Variants in USP47 observed in about 807,000 individuals in gnomAD.
USP47 encodes ubiquitin specific peptidase 47, also known as ubiquitin carboxyl-terminal hydrolase 47.
A neutral mutation model predicts 165.1 loss-of-function variants in USP47; 35 were observed. That is an observed-to-expected ratio of 0.21 (90% CI 0.16 to 0.28). The LOEUF (loss-of-function observed/expected upper bound fraction) is 0.28, where lower values mean the gene tolerates loss of function less well. USP47 is among the 10% of genes least tolerant of loss of function. The probability of loss-of-function intolerance (pLI) is 1.00; values close to 1 mark genes in which losing one functional copy is unlikely to be tolerated. For synonymous variants in USP47, 531 were observed against 544.5 expected (o/e 0.98, Z 0.35); for missense variants, 1,277 against 1,607.4 (o/e 0.79, Z 3.52).
rs763745607 is a variant in USP47 at position 11,930,044 on chromosome 11, A to G, written c.1519A>G (p.Ile507Val). Residue 507 changes from isoleucine to valine, a missense_variant and splice_region_variant, in exon 13 of 28, where the codon ATA (isoleucine) becomes GTA (valine). Ile to Val is a conservative substitution (Grantham distance 29). Around this residue, in one of 4 missense-constraint regions of USP47, gnomAD observed 909 missense variants for 1,068.1 expected, o/e 0.85. Transcript: ENST00000527733. ...AAAAAATCATGTAACACATTTTCAG[A>G]TAACACAAGAGGACATTAAGAAAAC... ...YSFNDQHVSR[I>V]TQEDIKKTHG... 2.5e-6 allele frequency: 4 copies of G among 1,612,944 alleles called. No homozygotes were observed. The highest frequency in any genetic ancestry group is 3.4e-6 in the Non-Finnish European group (4 of 1,179,118).
chr11:11,894,553 A>G (rs12223565), intron 4 of USP47, among the ~76,000 whole-genome samples: 4 of 152,008 alleles, frequency 2.6e-5, no homozygotes, highest in Non-Finnish European at 5.9e-5. Flanking sequence ...TTTGTTTCTT[A>G]TTATTCTGAG....
chr11:11,892,380 CTT>C (rs1300802562), intron 4 of USP47, among the ~76,000 whole-genome samples: 2,948 of 121,058 alleles, frequency 0.024, 239 homozygotes, highest in African/African-American at 0.086. Context: ...TTTTAATTTT[CTT>C]TTTTTTTTTT....
At chr11:11,954,758 G>T in intron 25 of USP47, 139 bp from the exon 26 acceptor site, 2 of 945,124 alleles carry the variant, frequency 2.1e-6, no homozygotes, top group Non-Finnish European at 3.1e-6. Flanking sequence ...CAGGGTGGCC[G>T]CTTTCTGCTT....
intron 1 of USP47, among the ~76,000 whole-genome samples, chr11:11,850,129 G>A (rs1046545725): frequency 4.0e-5 from 6 of 151,880 alleles, no homozygotes; most frequent in African/African-American, 1.4e-4. Context: ...TGCTAATCCT[G>A]TTCAATCTGG....
intron 8 of USP47, 147 bp from the exon 9 acceptor site, chr11:11,920,009 G>A (rs1853713661): frequency 4.0e-6 from 2 of 506,108 alleles, no homozygotes; most frequent in African/African-American, 2.0e-5. Context: ...TTATTTTACT[G>A]TTGATAATTT....
chr11:11,935,426 C>T (rs888609938), intron 16 of USP47, among the ~76,000 whole-genome samples: 1 of 151,654 alleles, frequency 6.6e-6, no homozygotes, highest in African/African-American at 2.4e-5. Context: ...TAATGGTGGA[C>T]TGCAAGCATT....
At chr11:11,918,533 A>G (rs753903741) in intron 8 of USP47, among the ~76,000 whole-genome samples, 8 of 152,138 alleles carry the variant, frequency 5.3e-5, no homozygotes, top group Middle Eastern at 6.3e-3. Context: ...GAGGCAAAGC[A>G]TGATGAGGTG....
intron 25 of USP47, among the ~76,000 whole-genome samples, chr11:11,954,684 T>C (rs1265627038): frequency 6.6e-6 from 1 of 152,190 alleles, no homozygotes; most frequent in Non-Finnish European, 1.5e-5. Flanking sequence ...GTGTAGTTTG[T>C]GTATGCATAG....
intron 8 of USP47, among the ~76,000 whole-genome samples, chr11:11,914,702 A>G (rs1282578832): frequency 6.6e-6 from 1 of 152,222 alleles, no homozygotes; most frequent in African/African-American, 2.4e-5. Flanking sequence ...ACAATTGGCA[A>G]AAGACATAAC....
intron 11 of USP47, among the ~76,000 whole-genome samples, chr11:11,927,121 C>A (rs1349426028): frequency 6.6e-6 from 1 of 151,894 alleles, no homozygotes; most frequent in Non-Finnish European, 1.5e-5. Flanking sequence ...TGAAATATTT[C>A]ATTACACTCT....
rs570498788 is a variant in USP47, at chr11:11,925,112, G to GTT, written c.1386+2233_1386+2234dup. On this transcript the variant is annotated intron_variant, in intron 11 of 27. Transcript: ENST00000527733. ...TGATGTTTTTTTGTTTTAGTTTTTG[G>GTT]TTTTTTTTTTTTTGAGACGGAGTCT... Among the ~76,000 whole-genome samples, 320 of 140,962 alleles carry GTT rather than the reference G, an allele frequency of 2.3e-3. 1 individual carries two copies. The highest frequency in any genetic ancestry group is 3.9e-3 in the Non-Finnish European group (248 of 64,022). 92.5% of individuals were successfully genotyped at this position (140,962 alleles called of 152,430 possible).
At chr11:11,894,098 C>A (rs1184658030) in intron 4 of USP47, among the ~76,000 whole-genome samples, 1 of 152,124 alleles carries the variant, frequency 6.6e-6, no homozygotes, top group Non-Finnish European at 1.5e-5. Flanking sequence ...TCCCATTACA[C>A]TATCTAGAGT....
intron 1 of USP47, among the ~76,000 whole-genome samples, chr11:11,866,094 G>T (rs1849662502): frequency 6.6e-6 from 1 of 152,110 alleles, no homozygotes; most frequent in African/African-American, 2.4e-5. Flanking sequence ...CAAATCCAGT[G>T]TCATGAAACT....
At chr11:11,926,593 C>T (rs1854264879) in intron 11 of USP47, among the ~76,000 whole-genome samples, 1 of 151,708 alleles carries the variant, frequency 6.6e-6, no homozygotes, top group South Asian at 2.1e-4. Context: ...GGTTTGTAAA[C>T]TTTGTTGATC....
At chr11:11,938,407 G>T in intron 18 of USP47, 35 bp downstream of exon 18, 1 of 1,525,036 alleles carries the variant, frequency 6.6e-7, no homozygotes, top group South Asian at 1.1e-5. Flanking sequence ...ATAAATTTTT[G>T]AGAGCCTGCT....
In USP47 at chr11:11,942,882, C is replaced by T. The variant is rs1403267835; in HGVS notation, c.2861C>T (p.Ala954Val). Residue 954 changes from alanine to valine, a missense_variant, in exon 20 of 28, where the codon GCA becomes GTA. By Grantham distance (64) the Ala-to-Val change is moderately conservative. Coordinates refer to ENST00000527733, the MANE Select transcript of USP47 (RefSeq NM_001282659.2). ...CATAGCAGTGATACTTTGTGCAATG[C>T]AGACAATGCTCAGATCCCTTTGGCT... ...SSHSSDTLCNADNAQIPLANG... is the reference protein window; with the variant it reads ...SSHSSDTLCNVDNAQIPLANG... The T allele has an allele frequency of 6.2e-7, 1 of 1,613,690 alleles. No homozygotes were observed.
intron 1 of USP47, among the ~76,000 whole-genome samples, chr11:11,862,807 T>G (rs1849460799): frequency 6.6e-6 from 1 of 152,178 alleles, no homozygotes; most frequent in Non-Finnish European, 1.5e-5. Flanking sequence ...TCCTCCCACC[T>G]TGGCCTCCCA....
chr11:11,899,356 C>T (rs1852046686), intron 5 of USP47, among the ~76,000 whole-genome samples: 1 of 152,196 alleles, frequency 6.6e-6, no homozygotes, highest in African/African-American at 2.4e-5. Context: ...AGAGCATAGC[C>T]AGGGCTATTC....
At chr11:11,907,973 A>G (rs1852687337) in intron 8 of USP47, among the ~76,000 whole-genome samples, 1 of 152,142 alleles carries the variant, frequency 6.6e-6, no homozygotes, top group Admixed American at 6.5e-5. Context: ...CTGTATTCCC[A>G]GCTACTCGGG....
Sources: gnomAD v4.1 joint callset for allele counts (sites outside exome capture counted in the v4.1 genomes callset) on GRCh38, gnomAD v4.1.1 for gene constraint, gnomAD v4.1.1 regional missense constraint, MANE v1.5 for transcripts, NCBI Gene and HGNC (gene_info 2026-07-23, HGNC 2026-07-21) for gene names.